Variants in PPP6R2 observed in about 807,000 individuals in gnomAD.
PPP6R2 encodes the protein serine/threonine-protein phosphatase 6 regulatory subunit 2.
PPP6R2 carries 62 observed loss-of-function variants against 100.2 expected under a neutral mutation model. The observed-to-expected ratio is 0.62, with a 90% confidence interval of 0.50 to 0.76. The LOEUF (loss-of-function observed/expected upper bound fraction) is 0.76. Among genes scored for constraint, PPP6R2 ranks in the 30% least tolerant of loss-of-function variants. PPP6R2 has a pLI of 0.00. For synonymous variants in PPP6R2, 525 were observed against 514.7 expected (o/e 1.02, Z -0.27); for missense variants, 1,142 against 1,276.3 (o/e 0.89, Z 1.60).
At chr22:50,342,990 C>T (rs749333767), upstream of PPP6R2, among the ~76,000 whole-genome samples, 5 of 152,174 alleles carry the variant, frequency 3.3e-5, no homozygotes, top group Non-Finnish European at 7.4e-5. Flanking sequence ...AAACCCCTGC[C>T]CCAGGTGTGT....
chr22:50,376,825 G>A (rs1268463868), intron 2 of PPP6R2, among the ~76,000 whole-genome samples: 1 of 152,074 alleles, frequency 6.6e-6, no homozygotes. Flanking sequence ...AGATCACAAG[G>A]TCAGGAGATG....
In PPP6R2 at chr22:50,431,549, G is replaced by C. The variant is rs1262373336; in HGVS notation, c.1335+167G>C. ...CAGACGCTCGTAGACAGTGGGGCTT[G>C]AGTGGGTCTTGCAGATCTCATTCCT... On this transcript the variant is annotated intron_variant, in intron 11 of 23. Transcript: ENST00000612753. This position sits in a 1 kb window ranked among gnomAD's most constrained non-coding sequence, Gnocchi z 4.8. 6.6e-6 allele frequency among the ~76,000 whole-genome samples: 1 copy of C among 152,254 alleles called. No homozygotes were observed. The highest frequency in any genetic ancestry group is 1.5e-5 in the Non-Finnish European group (1 of 68,042).
chr22:50,444,186 C>CCCA lies in PPP6R2; in HGVS notation c.2832-12_2832-10dup. On this transcript the variant is annotated splice_polypyrimidine_tract_variant and intron_variant, in intron 23 of 23. Transcript: ENST00000612753. Reference sequence around the variant, plus strand: ...GCAGCCCGCACGGTTCCAACCCCACCCCATTCCTGCAGGAAGACAGATGCC... The same window carrying CCCA: ...GCAGCCCGCACGGTTCCAACCCCACCCCACCATTCCTGCAGGAAGACAGATGCC... The CCCA allele has an allele frequency of 6.2e-6, 10 of 1,612,806 alleles. No individual in the cohort carries two copies. The highest frequency in any genetic ancestry group is 8.5e-6 in the Non-Finnish European group (10 of 1,179,652).
In PPP6R2 at chr22:50,431,271, A is replaced by C; in HGVS notation, c.1224A>C (p.Thr408=). 3.1e-6 allele frequency: 5 copies of C among 1,613,686 alleles called. No individual in the cohort carries two copies. The highest frequency in any genetic ancestry group is 4.2e-6 in the Non-Finnish European group (5 of 1,180,026). ...ILSHAAREER[T]EASGSESRVE... is the part of the protein sequence containing the mutation. ...CCCACGCTGCCCGTGAGGAGAGGAC[A>C]GAAGCCAGCGGATCCGAGAGCAGGG... is the stretch of plus-strand genomic sequence containing the variant. Residue 408 remains threonine, a synonymous_variant, in exon 11 of 24, where the codon ACA becomes ACC. Coordinates refer to ENST00000612753, the MANE Select transcript of PPP6R2 (RefSeq NM_001242898.2). This position sits in a 1 kb window ranked among gnomAD's most constrained non-coding sequence, Gnocchi z 4.8.
chr22:50,411,036 C>T (rs1216350425), intron 4 of PPP6R2, among the ~76,000 whole-genome samples: 2 of 152,204 alleles, frequency 1.3e-5, no homozygotes, highest in Non-Finnish European at 2.9e-5. Flanking sequence ...GGTGATCCAC[C>T]GGCCTTGGCC....
chr22:50,406,957 G>A (rs1034597279), intron 4 of PPP6R2, 82 bp downstream of exon 4: 14 of 1,395,670 alleles, frequency 1.0e-5, no homozygotes, highest in East Asian at 9.2e-5. Context: ...CTGGCGGTGC[G>A]ACTCATCCTC....
chr22:50,424,792 C>T (rs1198176483), intron 10 of PPP6R2, among the ~76,000 whole-genome samples: 1 of 152,054 alleles, frequency 6.6e-6, no homozygotes, highest in African/African-American at 2.4e-5. Flanking sequence ...CATGCGCCAC[C>T]ATGCCCAGCT....
At chr22:50,340,367 G>A (rs1405464159), upstream of PPP6R2, among the ~76,000 whole-genome samples, 1 of 137,424 alleles carries the variant, frequency 7.3e-6, no homozygotes, top group Non-Finnish European at 1.6e-5. Context: ...TATGGAGTGT[G>A]TGGTATGTGG....
At chr22:50,367,107 C>T in intron 1 of PPP6R2, among the ~76,000 whole-genome samples, 1 of 152,074 alleles carries the variant, frequency 6.6e-6, no homozygotes, top group South Asian at 2.1e-4. Context: ...GAAATACTCA[C>T]GGGCACCTAG....
At chr22:50,366,789 A>G (rs962431982) in intron 1 of PPP6R2, among the ~76,000 whole-genome samples, 7 of 151,898 alleles carry the variant, frequency 4.6e-5, no homozygotes, top group Admixed American at 1.3e-4. Context: ...CTGAACTCCT[A>G]GTTTTGATTT....
At chr22:50,335,845 T>C in the PPP6R2 span, among the ~76,000 whole-genome samples, 1 of 141,738 alleles carries the variant, frequency 7.1e-6, no homozygotes, top group African/African-American at 2.8e-5. Context: ...CCGACTAATT[T>C]TTTTGTATTT....
At position 50,443,996 on chromosome 22, in the gene PPP6R2, C is replaced by A; in HGVS notation, c.2710C>A (p.Pro904Thr). 6.2e-7 allele frequency: 1 copy of A among 1,613,184 alleles called. No individual in the cohort carries two copies. ...AITTALSKAG[P>T]AIPTPAVSSA... ...CACCACAGCACTGAGCAAGGCTGGC[C>A]CCGCCATACCCACCCCAGCAGTCTC... The change falls in exon 23 of 24, where the codon CCC (proline) becomes ACC (threonine). Residue 904 changes from proline (P) to threonine (T), a missense_variant. Pro to Thr is a conservative substitution (Grantham distance 38). Around this residue, in one of 2 missense-constraint regions of PPP6R2, gnomAD observed 550 missense variants for 517.4 expected, o/e 1.06. Coordinates refer to ENST00000612753, the MANE Select transcript of PPP6R2 (RefSeq NM_001242898.2).
At chr22:50,419,536 C>A in intron 8 of PPP6R2, 74 bp downstream of exon 8, 2 of 1,006,198 alleles carry the variant, frequency 2.0e-6, no homozygotes, top group South Asian at 1.4e-5. Context: ...CACGAGCAGT[C>A]TGGATTATGT....
chr22:50,350,487 T>C (rs2044807019), intron 1 of PPP6R2, among the ~76,000 whole-genome samples: 1 of 151,684 alleles, frequency 6.6e-6, no homozygotes, highest in Non-Finnish European at 1.5e-5. Flanking sequence ...TGCCTTGGCC[T>C]CCCAAAGTTG....
chr22:50,419,489 A>G, intron 8 of PPP6R2, 27 bp downstream of exon 8: 3 of 1,532,946 alleles, frequency 2.0e-6, no homozygotes, highest in Non-Finnish European at 2.7e-6. Flanking sequence ...GAAATCGTGT[A>G]GAGCTGAACT....
chr22:50,418,587 C>T (rs930014841), intron 6 of PPP6R2, among the ~76,000 whole-genome samples: 2 of 151,926 alleles, frequency 1.3e-5, no homozygotes, highest in Non-Finnish European at 2.9e-5. Context: ...GGGGTTTCAC[C>T]GTGTTAGCCA....
At chr22:50,403,504 C>T (rs1362689410) in intron 3 of PPP6R2, among the ~76,000 whole-genome samples, 1 of 152,234 alleles carries the variant, frequency 6.6e-6, no homozygotes, top group Non-Finnish European at 1.5e-5. Flanking sequence ...AGGGTGGGTA[C>T]TGCCTGCCCC....
chr22:50,338,022 T>C, the PPP6R2 span, among the ~76,000 whole-genome samples: 1 of 135,078 alleles, frequency 7.4e-6, no homozygotes. Flanking sequence ...GTGTGGGGGG[T>C]ATGTGTGGTG....
At chr22:50,437,768 G>C (rs769631975) in intron 16 of PPP6R2, 75 bp from the exon 17 acceptor site, 2 of 1,502,094 alleles carry the variant, frequency 1.3e-6, no homozygotes, top group Admixed American at 2.0e-5. Flanking sequence ...GATGAGCACC[G>C]GGGGAGGAGC....
Sources: allele counts gnomAD v4.1 joint callset (sites outside exome capture counted in the v4.1 genomes callset), GRCh38; gene constraint gnomAD v4.1.1; regional missense constraint gnomAD v4.1.1; non-coding constraint Gnocchi (gnomAD v3.1); transcripts MANE v1.5; gene names NCBI Gene and HGNC (gene_info 2026-07-23, HGNC 2026-07-21).